Variants in MYO10 observed in about 807,000 individuals in gnomAD.
MYO10 encodes the protein unconventional myosin-X.
MYO10 carries 133 observed loss-of-function variants against 257.3 expected under a neutral mutation model. The ratio of observed to expected loss-of-function variants is 0.52; its 90% CI spans 0.45 to 0.60. The LOEUF (loss-of-function observed/expected upper bound fraction) is 0.60. Among genes scored for constraint, MYO10 ranks in the 20% least tolerant of loss-of-function variants. The pLI is 0.00. For synonymous variants in MYO10, 1,104 were observed against 1,028.6 expected, an observed-to-expected ratio of 1.07 and a Z score of -1.40; for missense variants, 2,399 against 2,635.7, an observed-to-expected ratio of 0.91 and a Z score of 1.97.
chr5:16,746,395 T>C (rs1053007492), intron 19 of MYO10, among the ~76,000 whole-genome samples: 2 of 152,212 alleles, frequency 1.3e-5, no homozygotes, highest in African/African-American at 2.4e-5. Context: ...TGCAGCCTAG[T>C]AGGTTTCAGC....
At chr5:16,839,087 G>A (rs116489272) in intron 2 of MYO10, among the ~76,000 whole-genome samples, 4,364 of 152,240 alleles carry the variant, frequency 0.029, 105 homozygotes, top group Admixed American at 0.08. Context: ...GCAGCCCACG[G>A]ATCAAGGAGT....
At chr5:16,912,135 CTCT>C (rs1385100521) in intron 1 of MYO10, among the ~76,000 whole-genome samples, 2 of 152,168 alleles carry the variant, frequency 1.3e-5, no homozygotes, top group East Asian at 3.8e-4. Flanking sequence ...CTCAAGACAA[CTCT>C]TCTTCCAATG....
chr5:16,671,356 C>G, intron 38 of MYO10, 66 bp downstream of exon 38: 1 of 1,570,172 alleles, frequency 6.4e-7, no homozygotes, highest in Non-Finnish European at 8.7e-7. Context: ...ACTTACAAGG[C>G]TAAGTATTAA....
At chr5:16,896,291 T>C (rs1745216956) in intron 1 of MYO10, among the ~76,000 whole-genome samples, 1 of 151,992 alleles carries the variant, frequency 6.6e-6, no homozygotes, top group Non-Finnish European at 1.5e-5. Flanking sequence ...AGACCTTATC[T>C]CTATATTTAA....
chr5:16,777,839 CT>C (rs61326508), intron 9 of MYO10, among the ~76,000 whole-genome samples: 1,708 of 88,180 alleles, frequency 0.019, 10 homozygotes, highest in East Asian at 0.085. Flanking sequence ...TTGCATCTAA[CT>C]TTTTTTTTTT....
chr5:16,700,908 G>A (rs1315367373), intron 25 of MYO10, 55 bp downstream of exon 25: 12 of 1,484,502 alleles, frequency 8.1e-6, no homozygotes, highest in African/African-American at 2.8e-5. Context: ...GGATGCAACA[G>A]GGGTGGGTGT....
chr5:16,834,902 G>A (rs972635718), intron 2 of MYO10, among the ~76,000 whole-genome samples: 9 of 152,188 alleles, frequency 5.9e-5, no homozygotes, highest in Admixed American at 1.3e-4. Flanking sequence ...ACAGTTGGGC[G>A]CAGTGGCTCA....
chr5:16,703,139 G>C lies in MYO10; in HGVS notation c.2296C>G (p.Leu766Val). The C allele has an allele frequency of 6.3e-7, 1 of 1,596,210 alleles. No individual in the cohort carries two copies. The highest frequency in any genetic ancestry group is 8.5e-7 in the Non-Finnish European group (1 of 1,170,602). Residue 766 changes from leucine (L) to valine (V), a missense_variant, in exon 23 of 41, where the codon CTT (leucine) becomes GTT (valine). Around this residue, in one of 3 missense-constraint regions of MYO10, gnomAD observed 1,820 missense variants for 1,939.4 expected, o/e 0.94. Coordinates refer to ENST00000513610, the MANE Select transcript of MYO10 (RefSeq NM_012334.3). ...TTCTGTATTATCACCACACAATAAA[G>C]GACCTTTCTGTATTGTTTTCTGAAA... The part of the protein sequence containing the change: ...FLARKQYRKV[L>V]YCVVIIQKNY...
intron 19 of MYO10, among the ~76,000 whole-genome samples, chr5:16,727,545 T>C (rs1739418491): frequency 6.6e-6 from 1 of 152,204 alleles, no homozygotes; most frequent in African/African-American, 2.4e-5. Context: ...ACGAGGCTAA[T>C]GACTCTGAAC....
At chr5:16,715,392 ATTT>A (rs372307063) in intron 19 of MYO10, among the ~76,000 whole-genome samples, 20 of 84,364 alleles carry the variant, frequency 2.4e-4, no homozygotes, top group East Asian at 1.2e-3. Context: ...TAAGATTGAA[ATTT>A]TTTTTTTTTT....
In MYO10 at chr5:16,919,342, C is replaced by T. The variant is rs12653882; in HGVS notation, c.21+16446G>A. Among the ~76,000 whole-genome samples the T allele has an allele frequency of 8.0e-3, 1,222 of 152,236 alleles. 56 individuals carry two copies. In the South Asian group the frequency reaches 0.1, roughly 13 times the overall value. ...GCAGTGAGCAGAGATCATGCCACTG[C>T]ACTCCAGCCTGGGCAACGGAACAAG... On this transcript the variant is annotated intron_variant, in intron 1 of 40. Coordinates refer to ENST00000513610, the MANE Select transcript of MYO10 (RefSeq NM_012334.3).
rs1554007452 is a variant in MYO10 at position 16,900,744 on chromosome 5, G to GTTGTTTTTTTT, written c.22-23038_22-23037insAAAAAAAACAA. On this transcript the variant is annotated intron_variant, in intron 1 of 40. Transcript: ENST00000513610. Reference sequence around the variant, plus strand: ...AAAAGTACACACCTCCCTAAATCTTGTTTTTTTTTTTTTGAGACAGAGTCT... The same window carrying GTTGTTTTTTTT: ...AAAAGTACACACCTCCCTAAATCTTGTTGTTTTTTTTTTTTTTTTTTTTTGAGACAGAGTCT... Among the ~76,000 whole-genome samples, 313 of 132,716 alleles carry GTTGTTTTTTTT rather than the reference G, an allele frequency of 2.4e-3. 2 individuals are homozygous for GTTGTTTTTTTT. Among genetic ancestry groups the GTTGTTTTTTTT allele is most frequent in the East Asian group, 3.9e-3 (17 of 4,364 alleles). The allele number at this position is 132,716 out of a possible 152,430, so 87.1% of individuals were successfully genotyped here.
At position 16,727,939 on chromosome 5, in the gene MYO10, G is replaced by A. The variant is rs1739436776; in HGVS notation, c.1930-16694C>T. Among the ~76,000 whole-genome samples, 4 of 151,000 alleles carry A rather than the reference G, an allele frequency of 2.6e-5. No homozygotes were observed. The South Asian group carries it at 8.4e-4, about 32-fold the overall frequency. ...AAAAGCTATGCCTAACAGCTCTCCA[G>A]TGTTTAGTACAAGCCCTTTCTCTTT... On this transcript the variant is annotated intron_variant, in intron 19 of 40. Coordinates refer to ENST00000513610, the MANE Select transcript of MYO10 (RefSeq NM_012334.3).
chr5:16,761,837 G>A (rs569693227), intron 16 of MYO10, among the ~76,000 whole-genome samples: 2 of 151,954 alleles, frequency 1.3e-5, no homozygotes, highest in Admixed American at 6.6e-5. Context: ...TATCTTGTAA[G>A]ATGTTTTTTA....
intron 4 of MYO10, among the ~76,000 whole-genome samples, chr5:16,792,106 T>A (rs958342714): frequency 1.2e-4 from 8 of 68,380 alleles, no homozygotes; most frequent in Admixed American, 3.3e-4. Context: ...GACACACACA[T>A]ACATACACAC....
chr5:16,877,966 A>G (rs1744653176), intron 1 of MYO10, among the ~76,000 whole-genome samples: 1 of 152,186 alleles, frequency 6.6e-6, no homozygotes, highest in Non-Finnish European at 1.5e-5. Flanking sequence ...TGTTCTCACC[A>G]TGCAACTGAT....
intron 3 of MYO10, among the ~76,000 whole-genome samples, chr5:16,799,880 G>A (rs1054403670): frequency 2.6e-5 from 4 of 152,226 alleles, no homozygotes; most frequent in Non-Finnish European, 4.4e-5. Flanking sequence ...TGATGGTCAC[G>A]CAGCTCACAA....
At chr5:16,803,647 A>G (rs1742187092) in intron 3 of MYO10, among the ~76,000 whole-genome samples, 1 of 152,130 alleles carries the variant, frequency 6.6e-6, no homozygotes. Context: ...AGGAACATCA[A>G]ACGACCAGAT....
At chr5:16,720,588 G>A (rs2126598200) in intron 19 of MYO10, among the ~76,000 whole-genome samples, 1 of 152,190 alleles carries the variant, frequency 6.6e-6, no homozygotes, top group Non-Finnish European at 1.5e-5. Flanking sequence ...CGGGTAGCTG[G>A]GATGGGAATA....
Sources: allele counts gnomAD v4.1 joint callset (sites outside exome capture counted in the v4.1 genomes callset), GRCh38; gene constraint gnomAD v4.1.1; regional missense constraint gnomAD v4.1.1; transcripts MANE v1.5; gene names NCBI Gene and HGNC (gene_info 2026-07-23, HGNC 2026-07-21).